Variants in CDKL1 observed in about 807,000 individuals in gnomAD.
CDKL1 encodes the protein cyclin dependent kinase like 1, also known as cyclin-dependent kinase-like 1.
A neutral mutation model predicts 42.0 loss-of-function variants in CDKL1; 41 were observed. The observed-to-expected ratio is 0.98, with a 90% confidence interval of 0.76 to 1.27. The LOEUF (loss-of-function observed/expected upper bound fraction) is 1.27. Ranked by LOEUF, CDKL1 falls within the 50% of genes most tolerant of loss-of-function variation. The pLI is 0.00. For missense variants in CDKL1, 394 were observed against 428.4 expected, an observed-to-expected ratio of 0.92 and a Z score of 0.71; for synonymous variants, 153 against 158.6, an observed-to-expected ratio of 0.96 and a Z score of 0.26.
chr14:50,366,610 C>T (rs1274781982), intron 2 of CDKL1, among the ~76,000 whole-genome samples: 5 of 152,156 alleles, frequency 3.3e-5, no homozygotes, highest in South Asian at 2.1e-4. Flanking sequence ...GCTTGGAGGA[C>T]GCAAAATGGA....
chr14:50,365,649 T>A (rs777472868), intron 2 of CDKL1, among the ~76,000 whole-genome samples: 7 of 152,160 alleles, frequency 4.6e-5, no homozygotes, highest in Admixed American at 6.5e-5. Flanking sequence ...TGATAGTTAA[T>A]ACTGAGTGCC....
rs751774390 is a variant in CDKL1, at chr14:50,395,941, T to C, written c.-73A>G. The C allele has an allele frequency of 1.4e-6, 2 of 1,420,992 alleles. No homozygotes were observed. The allele number at this position is 1,420,992 out of a possible 1,614,324, so 88.0% of individuals were successfully genotyped here. A position where few individuals can be genotyped will look rare whatever the true frequency, so the allele number is the denominator to read the frequency against. ...GGCTCACGCCTGTAATCCCAGCACT[T>C]TGGGAGGCTGAGGCGGGCAGATCAC... On this transcript the variant is annotated 5_prime_UTR_variant, in exon 2 of 10. Transcript: ENST00000395834.
Position 50,341,208 on chromosome 14 carries a change from T to G in CDKL1, c.479A>C (p.Asp160Ala). 6.2e-7 allele frequency: 1 copy of G among 1,613,902 alleles called. No homozygotes were observed. Among genetic ancestry groups the G allele is most frequent in the Non-Finnish European group, 8.5e-7 (1 of 1,179,920 alleles). ...LLTGPSDYYTDYVATRWYRSP... is the reference protein window; with the variant it reads ...LLTGPSDYYTAYVATRWYRSP... ...GCGGTACCACCTGGTAGCCACGTAGTCTGTATAGTAGTCACTCGGTCCAGC... is the reference window on the plus strand; with the variant it reads ...GCGGTACCACCTGGTAGCCACGTAGGCTGTATAGTAGTCACTCGGTCCAGC... The change falls in exon 6 of 10, where the codon GAC (aspartate) becomes GCC (alanine). Residue 160 changes from aspartate (D) to alanine (A), a missense_variant. Asp to Ala is a moderately radical substitution (Grantham distance 126, BLOSUM62 -2). Coordinates refer to ENST00000395834, the MANE Select transcript of CDKL1 (RefSeq NM_004196.7).
intron 8 of CDKL1, 73 bp downstream of exon 8, chr14:50,334,492 A>G (rs1014015504): frequency 2.3e-6 from 2 of 871,258 alleles, no homozygotes; most frequent in Non-Finnish European, 3.9e-6. Context: ...ATGGATTGAC[A>G]TAAGTAATTC....
chr14:50,338,385 G>C (rs999303421), intron 7 of CDKL1, among the ~76,000 whole-genome samples: 4 of 152,094 alleles, frequency 2.6e-5, no homozygotes, highest in Non-Finnish European at 5.9e-5. Flanking sequence ...GTGCCACCAT[G>C]CCTGGCTAAT....
chr14:50,377,859 C>T (rs528778394), intron 2 of CDKL1: 45 of 569,534 alleles, frequency 7.9e-5, no homozygotes, highest in Non-Finnish European at 1.1e-4. Context: ...TAGCCACGAA[C>T]AGTCATCTGT....
At chr14:50,335,994 C>T in intron 7 of CDKL1, 1 of 1,366,924 alleles carries the variant, frequency 7.3e-7, no homozygotes, top group Non-Finnish European at 9.8e-7. Flanking sequence ...TACTTCCACT[C>T]ATGCTCCATA....
intron 2 of CDKL1, among the ~76,000 whole-genome samples, chr14:50,382,175 G>A (rs28639976): frequency 0.33 from 49,438 of 152,074 alleles, 8,472 homozygotes; most frequent in African/African-American, 0.39. Context: ...TTTCAAGGCC[G>A]GGCGCGGTGG....
At chr14:50,386,983 C>A (rs1467697370) in intron 2 of CDKL1, among the ~76,000 whole-genome samples, 3 of 150,064 alleles carry the variant, frequency 2.0e-5, no homozygotes, top group Admixed American at 6.7e-5. Flanking sequence ...GCCAAGATCG[C>A]GCCACTGTAT....
intron 7 of CDKL1, among the ~76,000 whole-genome samples, chr14:50,337,455 G>C (rs1485829769): frequency 1.3e-5 from 2 of 150,472 alleles, no homozygotes; most frequent in Non-Finnish European, 3.0e-5. Context: ...GGGCTCAAGT[G>C]ATTCTCCTGC....
chr14:50,342,703 G>T, intron 4 of CDKL1: 1 of 321,542 alleles, frequency 3.1e-6, no homozygotes, highest in Non-Finnish European at 5.0e-6. Context: ...TGCAGGAGCT[G>T]CAAATTGGTG....
chr14:50,359,039 T>A lies in CDKL1; in HGVS notation c.279A>T (p.Arg93Ser). 2 of 1,612,124 alleles carry A rather than the reference T, an allele frequency of 1.2e-6. No individual in the cohort carries two copies. Among genetic ancestry groups the A allele is most frequent in the Non-Finnish European group, 8.5e-7 (1 of 1,178,536 alleles). Residue 93 changes from arginine (R) to serine (S), a missense_variant, in exon 3 of 10, where the codon AGA (arginine) becomes AGT (serine). Physicochemically the swap from Arg to Ser is moderately radical, Grantham distance 110. Transcript: ENST00000395834. ...CDHTVLHELD[R>S]YQRGVPEHLV... The stretch of plus-strand genomic sequence containing the variant: ...GATGGATCACTCACCCTCTTTGGTA[T>A]CTGTCCAACTCATGGAGAACTGTGT...
At position 50,352,268 on chromosome 14, in the gene CDKL1, T is replaced by A. The variant is rs558559560; in HGVS notation, c.290+6760A>T. On this transcript the variant is annotated intron_variant, in intron 3 of 9. Transcript: ENST00000395834. ...GGGTTACTATTATTTCTTCCTTATATGTTTGATAGAATTCATACATCAAAT... is the reference window on the plus strand; with the variant it reads ...GGGTTACTATTATTTCTTCCTTATAAGTTTGATAGAATTCATACATCAAAT... Among the ~76,000 whole-genome samples, 5 of 152,264 alleles carry A rather than the reference T, an allele frequency of 3.3e-5. No homozygotes were observed. The South Asian group carries it at 8.3e-4, about 25-fold the overall frequency.
upstream of CDKL1, chr14:50,397,047 G>C (rs771664756): frequency 3.1e-5 from 40 of 1,308,938 alleles, no homozygotes; most frequent in Non-Finnish European, 4.0e-5. Context: ...GTCCATGGGA[G>C]CTGTCCTGAC....
rs1174283794 is a variant in CDKL1 at position 50,395,750 on chromosome 14, T to C, written c.119A>G (p.Asp40Gly). The change falls in exon 2 of 10, where the codon GAT becomes GGT. Residue 40 changes from aspartate (D) to glycine (G), a missense_variant. By Grantham distance (94) the Asp-to-Gly change is moderately conservative. Transcript: ENST00000395834. ...GGCAATTTTCTTTATGACAGGGTCA[T>C]CTTCTGATTCCAGAAACTTCTTGAT... ...VAIKKFLESE[D>G]DPVIKKIALR... 2 of 1,614,022 alleles carry C rather than the reference T, an allele frequency of 1.2e-6. No individual in the cohort carries two copies. Among genetic ancestry groups the C allele is most frequent in the East Asian group, 2.2e-5 (1 of 44,892 alleles).
chr14:50,386,526 A>G (rs2035086610), intron 2 of CDKL1, among the ~76,000 whole-genome samples: 1 of 152,236 alleles, frequency 6.6e-6, no homozygotes, highest in Non-Finnish European at 1.5e-5. Flanking sequence ...TATTCATTGC[A>G]GTATTCTCTC....
intron 2 of CDKL1, chr14:50,362,931 C>G (rs1254005724): frequency 8.7e-6 from 4 of 461,154 alleles, no homozygotes; most frequent in Non-Finnish European, 9.1e-6. Flanking sequence ...TTCTTTCACT[C>G]TTTGCAATAA....
chr14:50,366,511 A>G (rs2139475714), intron 2 of CDKL1, among the ~76,000 whole-genome samples: 1 of 152,342 alleles, frequency 6.6e-6, no homozygotes, highest in African/African-American at 2.4e-5. Flanking sequence ...ATCCTAGTGC[A>G]ATGGGAAGCC....
chr14:50,337,515 T>A (rs1415613748), intron 7 of CDKL1, among the ~76,000 whole-genome samples: 3 of 150,312 alleles, frequency 2.0e-5, no homozygotes, highest in Non-Finnish European at 4.4e-5. Context: ...CCAACCCCAG[T>A]TAGTTTTAAA....
Sources: gnomAD v4.1 joint callset for allele counts (sites outside exome capture counted in the v4.1 genomes callset) on GRCh38, gnomAD v4.1.1 for gene constraint, MANE v1.5 for transcripts, NCBI Gene and HGNC (gene_info 2026-07-23, HGNC 2026-07-21) for gene names.